Variants in LRRC4C observed in about 807,000 individuals in gnomAD.
LRRC4C encodes leucine rich repeat containing 4C, also known as leucine-rich repeat-containing protein 4C.
Under a neutral mutation model 33.6 loss-of-function variants are expected in LRRC4C, and 5 were observed. The observed-to-expected ratio is 0.15, with a 90% CI of 0.08 to 0.31. The LOEUF is 0.31. Ranked by LOEUF, LRRC4C falls within the 10% of genes least tolerant of loss-of-function variation. The pLI, the probability that LRRC4C is intolerant of heterozygous loss-of-function variation, is 1.00. For synonymous variants in LRRC4C, 329 were observed against 302.0 expected (o/e 1.09, Z -0.93); for missense variants, 560 against 796.7 (o/e 0.70, Z 3.58).
At chr11:40,116,422 A>C (rs1855440062) in intron 6 of LRRC4C, 88 bp from the exon 7 acceptor site, 1 of 1,332,010 alleles carries the variant, frequency 7.5e-7, no homozygotes, top group African/African-American at 1.5e-5. Context: ...ATAGTGTATC[A>C]GCTAAAGCCA....
At chr11:40,517,032 G>A (rs920453219) in intron 3 of LRRC4C, among the ~76,000 whole-genome samples, 4 of 152,074 alleles carry the variant, frequency 2.6e-5, no homozygotes, top group Non-Finnish European at 4.4e-5. Flanking sequence ...TTATACAATG[G>A]TCAGTTCCTA....
chr11:40,948,634 T>G (rs1369234269), intron 1 of LRRC4C, among the ~76,000 whole-genome samples: 1 of 148,872 alleles, frequency 6.7e-6, no homozygotes, highest in Non-Finnish European at 1.5e-5. Flanking sequence ...TTTTTGTTCT[T>G]GCGATAGTTT....
chr11:40,125,918 A>C (rs1056134811), intron 6 of LRRC4C, among the ~76,000 whole-genome samples: 10 of 152,180 alleles, frequency 6.6e-5, no homozygotes, highest in African/African-American at 2.4e-4. Context: ...CCAATCTTGC[A>C]AATCTTGAGC....
chr11:40,827,183 G>T (rs1050101340), intron 2 of LRRC4C, among the ~76,000 whole-genome samples: 1 of 151,672 alleles, frequency 6.6e-6, no homozygotes, highest in Non-Finnish European at 1.5e-5. Context: ...ATATTTAATT[G>T]AACGTATCTA....
At chr11:40,365,540 G>A (rs1948169848) in intron 3 of LRRC4C, among the ~76,000 whole-genome samples, 1 of 151,880 alleles carries the variant, frequency 6.6e-6, no homozygotes. Flanking sequence ...GAGTTCTAAG[G>A]GAAAACTGAA....
intron 1 of LRRC4C, among the ~76,000 whole-genome samples, chr11:41,105,665 T>C (rs1941452180): frequency 6.6e-6 from 1 of 152,046 alleles, no homozygotes; most frequent in Non-Finnish European, 1.5e-5. Context: ...ACAAGTGCTA[T>C]CCAGGTAAAT....
chr11:41,258,254 A>T (rs530030202), intron 1 of LRRC4C, among the ~76,000 whole-genome samples: 2 of 152,108 alleles, frequency 1.3e-5, no homozygotes, highest in East Asian at 3.9e-4. Flanking sequence ...AGCTTACATT[A>T]TATATTTGGT....
At chr11:40,243,660 T>A (rs1866093365) in intron 4 of LRRC4C, among the ~76,000 whole-genome samples, 1 of 151,510 alleles carries the variant, frequency 6.6e-6, no homozygotes, top group South Asian at 2.1e-4. Context: ...TTTAATCATT[T>A]CCTAGACATA....
intron 4 of LRRC4C, among the ~76,000 whole-genome samples, chr11:40,275,038 A>T (rs923149373): frequency 5.9e-5 from 9 of 152,164 alleles, no homozygotes; most frequent in Non-Finnish European, 1.0e-4. Flanking sequence ...TATCTATATG[A>T]CTTTATATCT....
chr11:41,130,346 C>A (rs1387990139), intron 1 of LRRC4C, among the ~76,000 whole-genome samples: 2 of 151,856 alleles, frequency 1.3e-5, no homozygotes, highest in Admixed American at 1.3e-4. Context: ...TCAAAAAAAT[C>A]TTCACTATTC....
chr11:40,245,719 T>C (rs1001047644), intron 4 of LRRC4C, among the ~76,000 whole-genome samples: 2 of 152,170 alleles, frequency 1.3e-5, no homozygotes, highest in African/African-American at 4.8e-5. Context: ...CTAAGGATTA[T>C]TTTATTTACT....
intron 3 of LRRC4C, among the ~76,000 whole-genome samples, chr11:40,352,892 G>A (rs1000697428): frequency 6.6e-6 from 1 of 152,130 alleles, no homozygotes. Context: ...CTTTTAATAT[G>A]TTATGCCACT....
chr11:40,834,911 G>GACAGACAGACACACACAC (rs748483585), intron 2 of LRRC4C, among the ~76,000 whole-genome samples: 3,722 of 84,788 alleles, frequency 0.044, 139 homozygotes, highest in South Asian at 0.092. Context: ...CAGACAGACA[G>GACAGACAGACACACACAC]ACACACACAC....
intron 2 of LRRC4C, among the ~76,000 whole-genome samples, chr11:40,768,771 T>C (rs1949606590): frequency 6.6e-6 from 1 of 152,096 alleles, no homozygotes; most frequent in South Asian, 2.1e-4. Context: ...AAAAAATCAG[T>C]TGGTAAAATT....
intron 1 of LRRC4C, among the ~76,000 whole-genome samples, chr11:41,156,267 T>G (rs1241578165): frequency 2.0e-5 from 3 of 152,042 alleles, no homozygotes; most frequent in Non-Finnish European, 4.4e-5. Context: ...CCCACGATAT[T>G]GACCACCGGT....
At chr11:41,016,506 G>A (rs1446406444) in intron 1 of LRRC4C, among the ~76,000 whole-genome samples, 1 of 152,142 alleles carries the variant, frequency 6.6e-6, no homozygotes, top group Non-Finnish European at 1.5e-5. Flanking sequence ...CCTTTGAACA[G>A]ATGTTTTCCC....
At chr11:41,445,746 A>G (rs1365040714) in intron 1 of LRRC4C, among the ~76,000 whole-genome samples, 1 of 152,174 alleles carries the variant, frequency 6.6e-6, no homozygotes. Context: ...GGAATTAAAT[A>G]TAAATGTGTG....
intron 3 of LRRC4C, among the ~76,000 whole-genome samples, chr11:40,393,442 C>A (rs570382795): frequency 6.6e-6 from 1 of 152,094 alleles, no homozygotes; most frequent in Non-Finnish European, 1.5e-5. Flanking sequence ...TAAGAATGTA[C>A]TTTGTTTTGA....
chr11:41,430,353 GT>G (rs1360708888), intron 1 of LRRC4C, among the ~76,000 whole-genome samples: 1 of 152,052 alleles, frequency 6.6e-6, no homozygotes, highest in East Asian at 1.9e-4. Context: ...TTCTCCTTAG[GT>G]TTTTTCCTCA....
Sources: allele counts gnomAD v4.1 joint callset (sites outside exome capture counted in the v4.1 genomes callset), GRCh38; gene constraint gnomAD v4.1.1; transcripts MANE v1.5; gene names NCBI Gene and HGNC (gene_info 2026-07-23, HGNC 2026-07-21).